CHCHD3: variants seen among roughly 807,000 people sequenced by gnomAD.
The protein encoded by CHCHD3 is coiled-coil-helix-coiled-coil-helix domain containing 3.
Under a neutral mutation model 38.2 loss-of-function variants are expected in CHCHD3, and 20 were observed. The observed-to-expected ratio is 0.52, with a 90% CI of 0.37 to 0.76. CHCHD3 has a LOEUF of 0.76. Among genes scored for constraint, CHCHD3 ranks in the 30% least tolerant of loss-of-function variants. The pLI is 0.00. For synonymous variants in CHCHD3, 82 were observed against 100.0 expected, an observed-to-expected ratio of 0.82 and a Z score of 1.07; for missense variants, 245 against 279.2, an observed-to-expected ratio of 0.88 and a Z score of 0.87.
intron 4 of CHCHD3, among the ~76,000 whole-genome samples, chr7:132,941,227 A>C (rs1810760180): frequency 6.6e-6 from 1 of 152,210 alleles, no homozygotes; most frequent in Non-Finnish European, 1.5e-5. Flanking sequence ...TTGGATTCAT[A>C]GTTATCCTTG....
chr7:132,847,373 A>T (rs565551496), intron 5 of CHCHD3: 4 of 152,226 alleles, frequency 2.6e-5, no homozygotes, highest in Non-Finnish European at 5.9e-5. Flanking sequence ...CACAAAATCA[A>T]GTACAAAACA....
In CHCHD3 at chr7:132,864,461, C is replaced by T. The variant is rs534349659; in HGVS notation, c.453+21201G>A. On this transcript the variant is annotated intron_variant, in intron 5 of 7. Transcript: ENST00000262570. ...TAGATCACCATAGCATATATAACAA[C>T]AAAGAAAAAGTTTGAAATATTATGG... 3.1e-4 allele frequency among the ~76,000 whole-genome samples: 47 copies of T among 152,128 alleles called. No individual in the cohort carries two copies. In the South Asian group the frequency reaches 9.1e-3, roughly 30 times the overall value.
intron 2 of CHCHD3, among the ~76,000 whole-genome samples, chr7:133,032,979 T>G (rs1340302313): frequency 6.6e-6 from 1 of 152,192 alleles, no homozygotes; most frequent in Non-Finnish European, 1.5e-5. Flanking sequence ...CTTTTCCATT[T>G]CACGCAAATG....
intron 7 of CHCHD3, among the ~76,000 whole-genome samples, chr7:132,791,269 G>T (rs1452658250): frequency 6.6e-6 from 1 of 152,148 alleles, no homozygotes; most frequent in Non-Finnish European, 1.5e-5. Context: ...GGATTCTGAT[G>T]CTCACCCACA....
chr7:132,791,260 G>T (rs1806452404), intron 7 of CHCHD3, among the ~76,000 whole-genome samples: 1 of 152,154 alleles, frequency 6.6e-6, no homozygotes, highest in African/African-American at 2.4e-5. Context: ...CCCCTCAGGG[G>T]ATTCTGATGC....
chr7:132,930,810 T>G lies in CHCHD3; in HGVS notation c.369+44359A>C, dbSNP rs75374328. On this transcript the variant is annotated intron_variant, in intron 4 of 7. Transcript: ENST00000262570. Reference sequence around the variant, plus strand: ...TTTCGATCCAGCTTTTCTCTCAAGATGGATGCCAGACACATTTCAAATCCC... The same window carrying G: ...TTTCGATCCAGCTTTTCTCTCAAGAGGGATGCCAGACACATTTCAAATCCC... Among the ~76,000 whole-genome samples the G allele has an allele frequency of 1.1e-3, 163 of 152,338 alleles. No individual in the cohort carries two copies. In the East Asian group the frequency reaches 0.03, roughly 28 times the overall value.
At chr7:132,998,552 G>C (rs1320258242) in intron 3 of CHCHD3, among the ~76,000 whole-genome samples, 1 of 152,114 alleles carries the variant, frequency 6.6e-6, no homozygotes, top group African/African-American at 2.4e-5. Flanking sequence ...ATTACTAGAA[G>C]CTCACATGTT....
In CHCHD3 at chr7:132,788,135, A is replaced by G. The variant is rs182575899; in HGVS notation, c.661-2475T>C. On this transcript the variant is annotated intron_variant, in intron 7 of 7. Coordinates refer to ENST00000262570, the MANE Select transcript of CHCHD3 (RefSeq NM_017812.4). The surrounding 1 kb of genome is among the most constrained non-coding windows in gnomAD (Gnocchi z 4.0). Reference sequence around the variant, plus strand: ...GTGAGCCTCTCCAATCACATAGATGATAAGTTCTATAAATTCCAGATATAT... The same window carrying G: ...GTGAGCCTCTCCAATCACATAGATGGTAAGTTCTATAAATTCCAGATATAT... Among the ~76,000 whole-genome samples the G allele has an allele frequency of 4.6e-5, 7 of 152,290 alleles. No individual in the cohort carries two copies. Among genetic ancestry groups the G allele is most frequent in the Admixed American group, 3.9e-4 (6 of 15,298 alleles).
chr7:132,960,667 T>C (rs74318532), intron 4 of CHCHD3, among the ~76,000 whole-genome samples: 9,961 of 152,104 alleles, frequency 0.065, 818 homozygotes, highest in African/African-American at 0.2. Context: ...ACAGAAGATC[T>C]AATGGTCACA....
intron 3 of CHCHD3, among the ~76,000 whole-genome samples, chr7:133,018,524 T>C (rs948497673): frequency 6.6e-6 from 1 of 152,246 alleles, no homozygotes; most frequent in Non-Finnish European, 1.5e-5. Flanking sequence ...GAAAAGTTTT[T>C]TTAATTACTT....
chr7:133,070,194 G>A lies in CHCHD3; in HGVS notation c.117C>T (p.Ser39=). ...GCTGAGACTTCGAACCAGATGGAGA[G>A]GATTCCTTCATTCGATCAATCACAT... ...SENVIDRMKE[S]SPSGSKSQRY... Residue 39 remains serine (S), a synonymous_variant, in exon 2 of 8, where the codon TCC becomes TCT. Coordinates refer to ENST00000262570, the MANE Select transcript of CHCHD3 (RefSeq NM_017812.4). 1 of 1,613,282 alleles carries A rather than the reference G, an allele frequency of 6.2e-7. No individual in the cohort carries two copies. The highest frequency in any genetic ancestry group is 8.5e-7 in the Non-Finnish European group (1 of 1,179,922).
chr7:133,001,702 C>G (rs963636013), intron 3 of CHCHD3, among the ~76,000 whole-genome samples: 20 of 152,146 alleles, frequency 1.3e-4, no homozygotes, highest in African/African-American at 3.6e-4. Flanking sequence ...ACAAAGAGAT[C>G]TTTTACAATC....
At chr7:132,814,905 T>C (rs1013333542) in intron 6 of CHCHD3, among the ~76,000 whole-genome samples, 2 of 152,194 alleles carry the variant, frequency 1.3e-5, no homozygotes, top group Non-Finnish European at 2.9e-5. Flanking sequence ...AGGAGGATTA[T>C]GGCCAGCAAC....
intron 4 of CHCHD3, among the ~76,000 whole-genome samples, chr7:132,950,530 T>C (rs1292660651): frequency 6.6e-6 from 1 of 152,188 alleles, no homozygotes. Flanking sequence ...GATTCCCTGA[T>C]TGATCATAAG....
intron 2 of CHCHD3, among the ~76,000 whole-genome samples, chr7:133,027,454 G>C (rs1309650036): frequency 1.5e-5 from 2 of 137,364 alleles, no homozygotes; most frequent in South Asian, 2.7e-4. Context: ...GGGAGGGGGG[G>C]AGAGGAAGAG....
chr7:132,929,746 T>C (rs186915335), intron 4 of CHCHD3, among the ~76,000 whole-genome samples: 287 of 152,278 alleles, frequency 1.9e-3, no homozygotes, highest in African/African-American at 6.6e-3. Flanking sequence ...ACCAGGGCTA[T>C]GGTGGGCCCA....
intron 6 of CHCHD3, chr7:132,815,755 C>T: frequency 3.2e-6 from 1 of 310,004 alleles, no homozygotes; most frequent in South Asian, 2.7e-5. Flanking sequence ...CCTTCCCCAA[C>T]CAGATCCTTC....
chr7:132,988,779 G>A (rs1354457657), intron 3 of CHCHD3, among the ~76,000 whole-genome samples: 1 of 151,860 alleles, frequency 6.6e-6, no homozygotes, highest in Non-Finnish European at 1.5e-5. Context: ...TCAGTCAGGT[G>A]TGGTGGCACC....
intron 2 of CHCHD3, among the ~76,000 whole-genome samples, chr7:133,063,310 T>A (rs1421308): frequency 0.27 from 41,081 of 151,954 alleles, 5,877 homozygotes; most frequent in Middle Eastern, 0.35. Context: ...AGTTACCATA[T>A]CCAGCCAAGC....
Sources: allele counts gnomAD v4.1 joint callset (sites outside exome capture counted in the v4.1 genomes callset), GRCh38; gene constraint gnomAD v4.1.1; non-coding constraint Gnocchi (gnomAD v3.1); transcripts MANE v1.5; gene names NCBI Gene and HGNC (gene_info 2026-07-23, HGNC 2026-07-21).